The following RGL1 variants were observed in gnomAD, a reference collection of about 807,000 sequenced individuals.
RGL1 encodes ral guanine nucleotide dissociation stimulator-like 1.
In RGL1, 24 loss-of-function variants were observed where a neutral mutation model predicts 95.2. That is an observed-to-expected ratio of 0.25 (90% CI 0.18 to 0.35). The LOEUF (loss-of-function observed/expected upper bound fraction) is 0.35, where lower values mean the gene tolerates loss of function less well. Ranked by LOEUF, RGL1 falls within the 10% of genes least tolerant of loss-of-function variation. RGL1 has a pLI of 1.00. For missense variants in RGL1, 715 were observed against 936.3 expected (o/e 0.76, Z 3.08); for synonymous variants, 329 against 344.9 (o/e 0.95, Z 0.51).
At chr1:183,891,927 A>T in intron 8 of RGL1, 150 bp from the exon 9 acceptor site, 1 of 534,658 alleles carries the variant, frequency 1.9e-6, no homozygotes, top group Non-Finnish European at 3.3e-6. Flanking sequence ...ATAAAAAAAA[A>T]TCATGGGCCT....
rs1301976277 is a variant in RGL1, at chr1:183,779,212, CTT to C, written c.133-27162_133-27161del. Among the ~76,000 whole-genome samples the C allele has an allele frequency of 2.2e-4, 32 of 147,610 alleles. 1 individual carries two copies. Among genetic ancestry groups the C allele is most frequent in the Middle Eastern group, 3.2e-3 (1 of 314 alleles). ...CCTTCCTTCCTTCCTTCCTTCCTTC[CTT>C]CCTTCCTTCCTTCCCTCCCTCCCAC... is the stretch of plus-strand genomic sequence containing the variant. On this transcript the variant is annotated intron_variant, in intron 2 of 18. Coordinates refer to the RGL1 transcript ENST00000304685.
chr1:183,850,309 A>G (rs1441573435), intron 3 of RGL1, among the ~76,000 whole-genome samples: 5 of 128,324 alleles, frequency 3.9e-5, no homozygotes, highest in Non-Finnish European at 9.3e-5. Flanking sequence ...ATATTTTCCT[A>G]ATTTTTCCAT....
chr1:183,669,019 T>C (rs10911396), intron 1 of RGL1, among the ~76,000 whole-genome samples: 11,988 of 147,406 alleles, frequency 0.081, 948 homozygotes, highest in African/African-American at 0.21. Context: ...CTTGGCTCAC[T>C]GCAACCTCCG....
chr1:183,748,569 C>A (rs912049339), intron 2 of RGL1, among the ~76,000 whole-genome samples: 7 of 151,960 alleles, frequency 4.6e-5, no homozygotes, highest in African/African-American at 1.7e-4. Context: ...CCACGTCCAG[C>A]TAATTTTTTA....
At chr1:183,695,613 T>C (rs750618920) in intron 1 of RGL1, among the ~76,000 whole-genome samples, 2 of 152,230 alleles carry the variant, frequency 1.3e-5, no homozygotes, top group East Asian at 3.8e-4. Context: ...AAGTTTAAAA[T>C]AATAGAAATG....
At chr1:183,712,063 T>C (rs144679682) in intron 1 of RGL1, among the ~76,000 whole-genome samples, 28 of 152,316 alleles carry the variant, frequency 1.8e-4, no homozygotes, top group African/African-American at 5.5e-4. Context: ...TTTCCAAATT[T>C]GAAGAGCCAT....
intron 3 of RGL1, among the ~76,000 whole-genome samples, chr1:183,849,323 G>A (rs1286640454): frequency 6.6e-6 from 1 of 151,852 alleles, no homozygotes; most frequent in Non-Finnish European, 1.5e-5. Flanking sequence ...TATATAAAAG[G>A]CTTAGAACAG....
In RGL1 at chr1:183,904,927, C is replaced by T; in HGVS notation, c.1428C>T (p.Phe476=). Reference sequence around the variant, plus strand: ...ATTGCATGACCCCAGACCAAAAGTTCATCCAGTGGTTCCAGAGGCAGCAGC... The same window carrying T: ...ATTGCATGACCCCAGACCAAAAGTTTATCCAGTGGTTCCAGAGGCAGCAGC... ...NSYCMTPDQK[F]IQWFQRQQLL... is the part of the protein sequence containing the mutation. The change falls in exon 13 of 18, where the codon TTC becomes TTT. Residue 476 remains phenylalanine (F), a synonymous_variant. Coordinates refer to ENST00000360851, the MANE Select transcript of RGL1 (RefSeq NM_001297671.3). 6.2e-7 allele frequency: 1 copy of T among 1,613,826 alleles called. No homozygotes were observed.
chr1:183,905,366 C>T (rs2102709780), intron 13 of RGL1, among the ~76,000 whole-genome samples: 1 of 152,208 alleles, frequency 6.6e-6, no homozygotes, highest in South Asian at 2.1e-4. Flanking sequence ...TGGTAGCTTT[C>T]CAGGAAGCTT....
chr1:183,713,563 A>G (rs1408421203), intron 1 of RGL1, among the ~76,000 whole-genome samples: 1 of 152,084 alleles, frequency 6.6e-6, no homozygotes, highest in Non-Finnish European at 1.5e-5. Flanking sequence ...TTAGGTCATG[A>G]GGGCAGAACT....
intron 1 of RGL1, among the ~76,000 whole-genome samples, chr1:183,650,681 T>G (rs1650677943): frequency 6.7e-6 from 1 of 149,552 alleles, no homozygotes; most frequent in Non-Finnish European, 1.5e-5. Context: ...TTGCATATAT[T>G]ATATAATATT....
chr1:183,891,143 T>C (rs1339967342), intron 8 of RGL1, among the ~76,000 whole-genome samples: 1 of 152,164 alleles, frequency 6.6e-6, no homozygotes, highest in East Asian at 1.9e-4. Flanking sequence ...AGCTTAATGG[T>C]TTTCTTTATT....
At chr1:183,725,671 T>C (rs1656272138) in intron 1 of RGL1, among the ~76,000 whole-genome samples, 1 of 152,102 alleles carries the variant, frequency 6.6e-6, no homozygotes, top group Non-Finnish European at 1.5e-5. Flanking sequence ...ACCTCAAAAT[T>C]CATTAAGCAC....
Position 183,829,309 on chromosome 1 carries a change from G to T in RGL1, c.139-18257G>T, listed in dbSNP as rs1423114994. Among the ~76,000 whole-genome samples, 7 of 152,016 alleles carry T rather than the reference G, an allele frequency of 4.6e-5. 1 individual carries two copies. The highest frequency in any genetic ancestry group is 3.3e-4 in the Admixed American group (5 of 15,258). ...ATAAAAAAATTAGCTGGGCACAATG[G>T]TGTATACCTGTAGTCCCAGCTATTC... is the stretch of plus-strand genomic sequence containing the variant. On this transcript the variant is annotated intron_variant, in intron 2 of 17. Transcript: ENST00000360851.
At chr1:183,666,295 G>A (rs973801919) in intron 1 of RGL1, among the ~76,000 whole-genome samples, 6 of 151,768 alleles carry the variant, frequency 4.0e-5, no homozygotes, top group Admixed American at 3.3e-4. Flanking sequence ...GTGAGCCACC[G>A]CGCCTGGGCC....
At chr1:183,866,740 C>A (rs1399684144) in intron 4 of RGL1, among the ~76,000 whole-genome samples, 2 of 152,252 alleles carry the variant, frequency 1.3e-5, no homozygotes, top group South Asian at 2.1e-4. Context: ...AGTGCTGTGG[C>A]CTGACACATC....
rs186697491 is a variant in RGL1 at position 183,812,168 on chromosome 1, T to C, written c.138+5683T>C. On this transcript the variant is annotated intron_variant, in intron 2 of 17. Coordinates refer to ENST00000360851, the MANE Select transcript of RGL1 (RefSeq NM_001297671.3). ...GCACTACATAGTAAAACATTCTAAT[T>C]TGTACCATCATATTCTTTTTACATA... 7.1e-4 allele frequency among the ~76,000 whole-genome samples: 108 copies of C among 152,348 alleles called. 1 individual carries two copies. The highest frequency in any genetic ancestry group is 7.9e-4 in the Non-Finnish European group (54 of 68,034).
chr1:183,702,081 G>A (rs1271271858), intron 1 of RGL1, among the ~76,000 whole-genome samples: 1 of 152,192 alleles, frequency 6.6e-6, no homozygotes, highest in East Asian at 1.9e-4. Flanking sequence ...CACAAAAGAA[G>A]CCTGAACATT....
intron 2 of RGL1, among the ~76,000 whole-genome samples, chr1:183,772,622 C>T (rs929465279): frequency 3.3e-5 from 5 of 152,108 alleles, no homozygotes; most frequent in African/African-American, 9.7e-5. Context: ...CCTTGGTCTA[C>T]AGGAAAGTTT....
Sources: allele counts gnomAD v4.1 joint callset (sites outside exome capture counted in the v4.1 genomes callset), GRCh38; gene constraint gnomAD v4.1.1; transcripts MANE v1.5; gene names NCBI Gene and HGNC (gene_info 2026-07-23, HGNC 2026-07-21).